Variants in RBL1 observed in about 807,000 individuals in gnomAD.
RBL1 encodes the protein retinoblastoma-like protein 1.
A neutral mutation model predicts 123.0 loss-of-function variants in RBL1; 82 were observed. That is an observed-to-expected ratio of 0.67 (90% CI 0.56 to 0.80). The LOEUF (loss-of-function observed/expected upper bound fraction) is 0.80, where lower values mean the gene tolerates loss of function less well. Ranked by LOEUF, RBL1 falls within the 30% of genes least tolerant of loss-of-function variation. The pLI is 0.00. For missense variants in RBL1, 1,171 were observed against 1,299.6 expected, an observed-to-expected ratio of 0.90 and a Z score of 1.52; for synonymous variants, 405 against 441.3, an observed-to-expected ratio of 0.92 and a Z score of 1.03.
intron 19 of RBL1, among the ~76,000 whole-genome samples, chr20:37,008,886 T>C (rs1040412418): frequency 1.3e-5 from 2 of 152,136 alleles, no homozygotes; most frequent in Non-Finnish European, 2.9e-5. Flanking sequence ...GGAAATGCTG[T>C]ATATTATATT....
chr20:37,000,739 C>A (rs1179846918), intron 21 of RBL1, among the ~76,000 whole-genome samples: 3 of 135,804 alleles, frequency 2.2e-5, no homozygotes, highest in East Asian at 4.7e-4. Flanking sequence ...CAGCCCCCCG[C>A]CCGGCCAGCC....
intron 13 of RBL1, among the ~76,000 whole-genome samples, chr20:37,042,923 A>AAT (rs2064755217): frequency 6.8e-6 from 1 of 147,308 alleles, no homozygotes; most frequent in African/African-American, 2.5e-5. Flanking sequence ...AAAAAAAAAA[A>AAT]AAGTCAAAAG....
At chr20:37,060,108 G>A (rs749113097) in intron 9 of RBL1, among the ~76,000 whole-genome samples, 4 of 151,972 alleles carry the variant, frequency 2.6e-5, no homozygotes, top group Non-Finnish European at 5.9e-5. Context: ...GGAGGTGGAG[G>A]TTGCAGTGAG....
At chr20:37,023,137 T>C (rs78016295) in intron 16 of RBL1, among the ~76,000 whole-genome samples, 5 of 152,078 alleles carry the variant, frequency 3.3e-5, no homozygotes, top group East Asian at 1.9e-4. Flanking sequence ...TTTTTTTTTT[T>C]CTTAGGTGGA....
At chr20:37,036,613 T>C (rs912919521) in intron 14 of RBL1, among the ~76,000 whole-genome samples, 5 of 144,886 alleles carry the variant, frequency 3.5e-5, no homozygotes, top group African/African-American at 7.8e-5. Flanking sequence ...AGTCATGTAA[T>C]CTATTTTCTT....
intron 2 of RBL1, among the ~76,000 whole-genome samples, chr20:37,073,590 C>G (rs1385910278): frequency 6.7e-6 from 1 of 148,784 alleles, no homozygotes; most frequent in Non-Finnish European, 1.5e-5. Flanking sequence ...CCCAGCTACT[C>G]AAGAGGCTGA....
chr20:37,003,642 G>A (rs1299605068), intron 21 of RBL1, 60 bp downstream of exon 21: 1 of 1,454,256 alleles, frequency 6.9e-7, no homozygotes, highest in Non-Finnish European at 9.1e-7. Context: ...AAAAAAAGAG[G>A]CAGGATTAAC....
intron 12 of RBL1, among the ~76,000 whole-genome samples, chr20:37,044,773 G>A (rs1218887349): frequency 1.3e-5 from 2 of 152,032 alleles, no homozygotes; most frequent in Non-Finnish European, 1.5e-5. Flanking sequence ...TGTTTTTCAC[G>A]TTTTATATTA....
intron 16 of RBL1, among the ~76,000 whole-genome samples, chr20:37,026,873 C>T (rs1322882503): frequency 6.6e-6 from 1 of 150,416 alleles, no homozygotes; most frequent in Non-Finnish European, 1.5e-5. Flanking sequence ...CATGGTGGTG[C>T]GTCCCTGTAA....
chr20:37,017,468 G>T (rs2064273751), intron 19 of RBL1, among the ~76,000 whole-genome samples: 1 of 151,926 alleles, frequency 6.6e-6, no homozygotes, highest in Non-Finnish European at 1.5e-5. Context: ...GGCAGAAGAG[G>T]TGTATGAATA....
intron 2 of RBL1, among the ~76,000 whole-genome samples, chr20:37,087,509 C>T (rs1003943051): frequency 2.0e-4 from 31 of 152,054 alleles, no homozygotes; most frequent in African/African-American, 7.5e-4. Flanking sequence ...ATCATTTGAG[C>T]TGAGGAGTTT....
intron 7 of RBL1, among the ~76,000 whole-genome samples, chr20:37,062,737 C>T (rs2065116215): frequency 6.6e-6 from 1 of 151,170 alleles, no homozygotes; most frequent in Non-Finnish European, 1.5e-5. Context: ...GGGCAGATCA[C>T]GAGGTCAGGA....
At chr20:37,058,145 A>AAAAAAAAAAAAAC (rs2065042861) in intron 9 of RBL1, among the ~76,000 whole-genome samples, 1 of 149,574 alleles carries the variant, frequency 6.7e-6, no homozygotes, top group East Asian at 2.0e-4. Flanking sequence ...CAAAACAAAA[A>AAAAAAAAAAAAAC]AAAAAAAGCC....
At position 36,999,440 on chromosome 20, in the gene RBL1, TCTCCCTCCTCTCC is replaced by T. The variant is rs1332445161; in HGVS notation, c.3037-524_3037-512del. Among the ~76,000 whole-genome samples the T allele has an allele frequency of 9.1e-3, 1,268 of 138,720 alleles. 17 individuals carry two copies. Among genetic ancestry groups the T allele is most frequent in the African/African-American group, 0.033 (1,086 of 33,276 alleles). The allele number at this position is 138,720 out of a possible 152,430, so 91.0% of individuals were successfully genotyped here. ...AAGCTTCCCGTCTCCCTCCTCTCCC[TCTCCCTCCTCTCC>T]CTCCCTCCTCTCCCTCTCCCTCCTC... On this transcript the variant is annotated intron_variant, in intron 21 of 21. Coordinates refer to ENST00000373664, the MANE Select transcript of RBL1 (RefSeq NM_002895.5).
intron 19 of RBL1, among the ~76,000 whole-genome samples, chr20:37,014,801 G>A (rs1014626573): frequency 1.3e-5 from 2 of 151,978 alleles, no homozygotes; most frequent in African/African-American, 4.8e-5. Flanking sequence ...AGTGGCTGAC[G>A]CCTGTAATCC....
chr20:37,037,785 C>T (rs1399896432), intron 14 of RBL1, among the ~76,000 whole-genome samples: 2 of 151,464 alleles, frequency 1.3e-5, no homozygotes, highest in Non-Finnish European at 2.9e-5. Context: ...AAGCAATTCT[C>T]TTGCCTCACT....
At chr20:36,999,346 T>C (rs1369884943) in intron 21 of RBL1, among the ~76,000 whole-genome samples, 3 of 152,080 alleles carry the variant, frequency 2.0e-5, no homozygotes, top group Non-Finnish European at 2.9e-5. Context: ...GAAGCTGCAG[T>C]GAGCAGTGAT....
intron 7 of RBL1, among the ~76,000 whole-genome samples, chr20:37,064,168 T>C (rs1312823623): frequency 6.8e-6 from 1 of 147,130 alleles, no homozygotes; most frequent in Non-Finnish European, 1.5e-5. Flanking sequence ...AGATGAGTCT[T>C]GCTCTGCTGC....
intron 21 of RBL1, among the ~76,000 whole-genome samples, chr20:36,999,231 C>A (rs554200669): frequency 8.1e-4 from 123 of 151,976 alleles, no homozygotes; most frequent in African/African-American, 2.9e-3. Context: ...ACATGGCAAA[C>A]CTGGTCTCTA....
Sources: allele counts gnomAD v4.1 joint callset (sites outside exome capture counted in the v4.1 genomes callset), GRCh38; gene constraint gnomAD v4.1.1; transcripts MANE v1.5; gene names NCBI Gene and HGNC (gene_info 2026-07-23, HGNC 2026-07-21).